IPO9: variants seen among roughly 807,000 people sequenced by gnomAD.
IPO9 encodes the protein importin 9, also known as importin-9.
Under a neutral mutation model 128.6 loss-of-function variants are expected in IPO9, and 28 were observed. The ratio of observed to expected loss-of-function variants is 0.22; its 90% CI spans 0.16 to 0.30. The LOEUF (loss-of-function observed/expected upper bound fraction) is 0.30, where lower values mean the gene tolerates loss of function less well. Among genes scored for constraint, IPO9 ranks in the 10% least tolerant of loss-of-function variants. The pLI, the probability that IPO9 is intolerant of heterozygous loss-of-function variation, is 1.00. For missense variants in IPO9, 935 were observed against 1,293.9 expected (o/e 0.72, Z 4.26); for synonymous variants, 455 against 475.8 (o/e 0.96, Z 0.57).
chr1:201,861,838 A>T (rs1416013085), intron 13 of IPO9, among the ~76,000 whole-genome samples: 2 of 152,252 alleles, frequency 1.3e-5, no homozygotes, highest in African/African-American at 4.8e-5. Flanking sequence ...ATGTAAGAAC[A>T]CTAAAGACAG....
chr1:201,829,313 C>G lies in IPO9; in HGVS notation c.104C>G (p.Pro35Arg). The stretch of plus-strand genomic sequence containing the variant: ...GATACGCTCACCGGGATCCTATCCC[C>G]AGTACAGGAGGTGCGGGCGGCTGCT... ...LVDTLTGILSPVQEVRAAAEE... is the reference protein window; with the variant it reads ...LVDTLTGILSRVQEVRAAAEE... Residue 35 changes from proline to arginine, a missense_variant, in exon 1 of 24, where the codon CCA becomes CGA. Around this residue, in one of 3 missense-constraint regions of IPO9, gnomAD observed 741 missense variants for 1,019.1 expected, o/e 0.73. Coordinates refer to ENST00000361565, the MANE Select transcript of IPO9 (RefSeq NM_018085.5). The G allele has an allele frequency of 6.3e-7, 1 of 1,596,540 alleles. No individual in the cohort carries two copies. Among genetic ancestry groups the G allele is most frequent in the African/African-American group, 1.3e-5 (1 of 74,490 alleles).
At position 201,829,448 on chromosome 1, in the gene IPO9, C is replaced by A. The variant is rs1372669670; in HGVS notation, c.163+76C>A. ...ACCGCAGCTCCGTACCGGCTGGGGACATGGGGAGCCTGAGCCAGTTGGAGA... is the reference window on the plus strand; with the variant it reads ...ACCGCAGCTCCGTACCGGCTGGGGAAATGGGGAGCCTGAGCCAGTTGGAGA... On this transcript the variant is annotated intron_variant, in intron 1 of 23. Transcript: ENST00000361565. 3 of 1,385,680 alleles carry A rather than the reference C, an allele frequency of 2.2e-6. No homozygotes were observed. In the East Asian group the frequency reaches 9.1e-5, roughly 42 times the overall value. The allele number at this position is 1,385,680 out of a possible 1,614,324, so 85.8% of individuals were successfully genotyped here. A position where few individuals can be genotyped will look rare whatever the true frequency, so the allele number is the denominator to read the frequency against.
At chr1:201,865,025 C>CA (rs992727548) in intron 14 of IPO9, among the ~76,000 whole-genome samples, 1 of 152,070 alleles carries the variant, frequency 6.6e-6, no homozygotes, top group Admixed American at 6.5e-5. Context: ...TATTCATTGT[C>CA]AAACACTGGA....
At chr1:201,859,114 C>T (rs1189839238) in intron 13 of IPO9, 120 bp downstream of exon 13, 5 of 795,662 alleles carry the variant, frequency 6.3e-6, no homozygotes, top group Admixed American at 5.5e-5. Context: ...TGCAGCACAC[C>T]AACATGGCAC....
intron 4 of IPO9, among the ~76,000 whole-genome samples, chr1:201,851,903 A>G (rs1680225291): frequency 6.6e-6 from 1 of 151,746 alleles, no homozygotes; most frequent in South Asian, 2.1e-4. Context: ...CTTTATTTCC[A>G]TATTATTCTT....
intron 1 of IPO9, among the ~76,000 whole-genome samples, chr1:201,838,851 C>T (rs1679986244): frequency 2.0e-5 from 3 of 151,616 alleles, no homozygotes; most frequent in Admixed American, 2.0e-4. Flanking sequence ...TTTTTAAAAA[C>T]CAAAACCAAT....
Position 201,880,696 on chromosome 1 carries a change from C to T in IPO9, c.*4642C>T, listed in dbSNP as rs1680868211. ...ATGCTGGAGGGCTTTGGCCCTTTCC[C>T]TCAAGGAGCTAGTCTAGTAGGGGGT... On this transcript the variant is annotated 3_prime_UTR_variant, in exon 24 of 24. Transcript: ENST00000361565. 1 of 152,192 alleles carries T rather than the reference C, an allele frequency of 6.6e-6. No homozygotes were observed. Among genetic ancestry groups the T allele is most frequent in the Non-Finnish European group, 1.5e-5 (1 of 68,032 alleles). 9.4% of individuals were successfully genotyped at this position (152,192 alleles called of 1,614,324 possible). A position where few individuals can be genotyped will look rare whatever the true frequency, so the allele number is the denominator to read the frequency against.
chr1:201,878,585 C>T lies in IPO9; in HGVS notation c.*2531C>T, dbSNP rs909329495. 1 of 152,634 alleles carries T rather than the reference C, an allele frequency of 6.6e-6. No homozygotes were observed. The highest frequency in any genetic ancestry group is 2.4e-5 in the African/African-American group (1 of 41,440). The allele number at this position is 152,634 out of a possible 1,614,324, so 9.5% of individuals were successfully genotyped here. On this transcript the variant is annotated 3_prime_UTR_variant, in exon 24 of 24. Transcript: ENST00000361565. ...AGTCCTGAGGAAAGGGCCCTAGTAA[C>T]ACTTAAGGGCTACCCCTGGCTAACA...
intron 1 of IPO9, among the ~76,000 whole-genome samples, chr1:201,832,369 G>A (rs1001970151): frequency 6.9e-5 from 10 of 145,366 alleles, no homozygotes; most frequent in Non-Finnish European, 1.1e-4. Context: ...AGCAATTCTC[G>A]TGCCTCAGCC....
chr1:201,873,933 G>C (rs923712352), intron 20 of IPO9, among the ~76,000 whole-genome samples: 1 of 152,074 alleles, frequency 6.6e-6, no homozygotes, highest in Non-Finnish European at 1.5e-5. Flanking sequence ...AATTACCTCC[G>C]CTGTCTCTCA....
chr1:201,871,374 T>TTA, intron 19 of IPO9, 47 bp downstream of exon 19: 3 of 467,642 alleles, frequency 6.4e-6, no homozygotes, highest in Non-Finnish European at 3.3e-6. Flanking sequence ...CCACTCATAT[T>TTA]TCTTTTTTTT....
chr1:201,845,369 A>G (rs1269917010), intron 1 of IPO9, among the ~76,000 whole-genome samples: 1 of 152,154 alleles, frequency 6.6e-6, no homozygotes, highest in Non-Finnish European at 1.5e-5. Context: ...TAGAAAGGAA[A>G]CTTACCTAAT....
intron 14 of IPO9, 33 bp downstream of exon 14, chr1:201,863,640 G>C (rs1275154261): frequency 6.5e-7 from 1 of 1,548,338 alleles, no homozygotes. Flanking sequence ...ATAATTAAGG[G>C]AAAGTTGCTC....
At chr1:201,847,739 T>A in intron 3 of IPO9, 101 bp downstream of exon 3, 2 of 843,992 alleles carry the variant, frequency 2.4e-6, no homozygotes, top group Non-Finnish European at 3.9e-6. Context: ...ATCAAAAGAC[T>A]AGGCAGAAAA....
chr1:201,865,808 A>G (rs1007381086), intron 14 of IPO9, among the ~76,000 whole-genome samples: 70 of 152,172 alleles, frequency 4.6e-4, no homozygotes, highest in African/African-American at 1.6e-3. Flanking sequence ...TACATTGTCT[A>G]GGACCAGACA....
intron 5 of IPO9, 35 bp from the exon 6 acceptor site, chr1:201,852,976 G>T: frequency 1.3e-6 from 2 of 1,548,696 alleles, no homozygotes; most frequent in Non-Finnish European, 1.8e-6. Flanking sequence ...CTCCAGTCTC[G>T]TGGCTATGCT....
rs1025600859 is a variant in IPO9 at position 201,878,836 on chromosome 1, C to T, written c.*2782C>T. On this transcript the variant is annotated 3_prime_UTR_variant, in exon 24 of 24. Coordinates refer to ENST00000361565, the MANE Select transcript of IPO9 (RefSeq NM_018085.5). ...GGAGGCCAGTACATGTTGACAGAAACTCTAGACCATATTTTGTCTCCTGTC... is the reference window on the plus strand; with the variant it reads ...GGAGGCCAGTACATGTTGACAGAAATTCTAGACCATATTTTGTCTCCTGTC... 1 of 152,216 alleles carries T rather than the reference C, an allele frequency of 6.6e-6. No individual in the cohort carries two copies. The highest frequency in any genetic ancestry group is 2.4e-5 in the African/African-American group (1 of 41,456). 9.4% of individuals were successfully genotyped at this position (152,216 alleles called of 1,614,324 possible).
chr1:201,858,950 A>G lies in IPO9; in HGVS notation c.1424A>G (p.His475Arg), dbSNP rs766336675. The G allele has an allele frequency of 7.4e-6, 12 of 1,612,690 alleles. No individual in the cohort carries two copies. The East Asian group carries it at 2.2e-4, about 30-fold the overall frequency. Reference protein sequence around the residue: ...VKNGRIHFDMHGFLTNVILAD... With the variant: ...VKNGRIHFDMRGFLTNVILAD... ...AATGGCAGGATTCATTTTGACATGCATGGGTTCCTGACCAATGTCATCCTT... is the reference window on the plus strand; with the variant it reads ...AATGGCAGGATTCATTTTGACATGCGTGGGTTCCTGACCAATGTCATCCTT... The change falls in exon 13 of 24, where the codon CAT becomes CGT. Residue 475 changes from histidine (H) to arginine (R), a missense_variant. By Grantham distance (29) the His-to-Arg change is conservative. Coordinates refer to ENST00000361565, the MANE Select transcript of IPO9 (RefSeq NM_018085.5).
At chr1:201,858,594 C>T (rs776994100) in intron 12 of IPO9, 41 bp downstream of exon 12, 1 of 1,179,488 alleles carries the variant, frequency 8.5e-7, no homozygotes, top group African/African-American at 1.5e-5. Flanking sequence ...CTTTTGTTTA[C>T]CCCTTCTTAA....
Sources: allele counts gnomAD v4.1 joint callset (sites outside exome capture counted in the v4.1 genomes callset), GRCh38; gene constraint gnomAD v4.1.1; regional missense constraint gnomAD v4.1.1; transcripts MANE v1.5; gene names NCBI Gene and HGNC (gene_info 2026-07-23, HGNC 2026-07-21).